Variants in KCNQ1 observed in about 807,000 individuals in gnomAD.
The protein encoded by KCNQ1 is potassium voltage-gated channel subfamily KQT member 1.
A neutral mutation model predicts 72.4 loss-of-function variants in KCNQ1; 49 were observed. The observed-to-expected ratio is 0.68, with a 90% confidence interval of 0.54 to 0.86. The LOEUF is 0.86. Ranked by LOEUF, KCNQ1 falls within the 40% of genes least tolerant of loss-of-function variation. KCNQ1 has a pLI of 0.00. For missense variants in KCNQ1, 790 were observed against 945.1 expected, an observed-to-expected ratio of 0.84 and a Z score of 2.15; for synonymous variants, 450 against 412.6, an observed-to-expected ratio of 1.09 and a Z score of -1.10.
intron 11 of KCNQ1, among the ~76,000 whole-genome samples, chr11:2,705,736 A>G (rs1016542595): frequency 6.6e-6 from 1 of 152,200 alleles, no homozygotes; most frequent in South Asian, 2.1e-4. Flanking sequence ...GTTGTTTCTG[A>G]TTATCTCTTG....
At position 2,734,070 on chromosome 11, in the gene KCNQ1, G is replaced by A. The variant is rs1015853596; in HGVS notation, c.1515-34774G>A. On this transcript the variant is annotated intron_variant, in intron 11 of 15. Coordinates refer to ENST00000155840, the MANE Select transcript of KCNQ1 (RefSeq NM_000218.3). The surrounding 1 kb of genome is among the most constrained non-coding windows in gnomAD (Gnocchi z 7.0). ...TCCCAGCCCCAGCCTTGCCTTTCTA[G>A]TGGTTCTGGCCTCTGATCACAGGCA... 6.6e-6 allele frequency among the ~76,000 whole-genome samples: 1 copy of A among 152,134 alleles called. No homozygotes were observed. Among genetic ancestry groups the A allele is most frequent in the African/African-American group, 2.4e-5 (1 of 41,430 alleles).
At chr11:2,786,156 C>T (rs186611648) in intron 15 of KCNQ1, among the ~76,000 whole-genome samples, 159 of 152,136 alleles carry the variant, frequency 1.0e-3, no homozygotes, top group African/African-American at 3.7e-3. Flanking sequence ...AGATTTTGTC[C>T]GCAAATGACC....
chr11:2,680,040 T>A (rs969925574), intron 11 of KCNQ1: 5 of 395,894 alleles, frequency 1.3e-5, no homozygotes, highest in African/African-American at 2.1e-5. Flanking sequence ...ACTACAGACA[T>A]CTGCCACCAT....
chr11:2,511,240 G>A (rs1452466068), intron 1 of KCNQ1, among the ~76,000 whole-genome samples: 2 of 152,094 alleles, frequency 1.3e-5, no homozygotes, highest in African/African-American at 4.8e-5. Context: ...AGGAGACGTG[G>A]GGTGGGGAAG....
At position 2,659,820 on chromosome 11, in the gene KCNQ1, C is replaced by T. The variant is rs1275154326; in HGVS notation, c.1394-2141C>T. 2.5e-6 allele frequency: 1 copy of T among 398,308 alleles called. No homozygotes were observed. Among genetic ancestry groups the T allele is most frequent in the African/African-American group, 2.1e-5 (1 of 48,690 alleles). The allele number at this position is 398,308 out of a possible 1,614,324, so 24.7% of individuals were successfully genotyped here. A position where few individuals can be genotyped will look rare whatever the true frequency, so the allele number is the denominator to read the frequency against. ...GGAATTTCATTGTGATTCTAATTTG[C>T]ATTTCCATATTTATGTTAATTATGT... On this transcript the variant is annotated intron_variant, in intron 10 of 15. Coordinates refer to ENST00000155840, the MANE Select transcript of KCNQ1 (RefSeq NM_000218.3). The surrounding 1 kb of genome is among the most constrained non-coding windows in gnomAD (Gnocchi z 4.3).
intron 11 of KCNQ1, among the ~76,000 whole-genome samples, chr11:2,733,415 A>G (rs1273587692): frequency 6.6e-6 from 1 of 152,034 alleles, no homozygotes; most frequent in East Asian, 1.9e-4. Flanking sequence ...TTCCTTCCAG[A>G]CAGGCTGGCC....
chr11:2,816,060 G>A lies in KCNQ1; in HGVS notation c.1795-31707G>A, dbSNP rs1029048073. Among the ~76,000 whole-genome samples, 7 of 152,194 alleles carry A rather than the reference G, an allele frequency of 4.6e-5. No homozygotes were observed. Among genetic ancestry groups the A allele is most frequent in the African/African-American group, 9.7e-5 (4 of 41,444 alleles). On this transcript the variant is annotated intron_variant, in intron 15 of 15. Coordinates refer to ENST00000155840, the MANE Select transcript of KCNQ1 (RefSeq NM_000218.3). The surrounding 1 kb of genome is among the most constrained non-coding windows in gnomAD (Gnocchi z 6.8). Reference sequence around the variant, plus strand: ...CGTTAGATGAATGTGGACGGCTGGCGGCCGGGGCTTGGGAGATCAAGAAGT... The same window carrying A: ...CGTTAGATGAATGTGGACGGCTGGCAGCCGGGGCTTGGGAGATCAAGAAGT...
In KCNQ1 at chr11:2,781,408, G is replaced by A. The variant is rs1401768247; in HGVS notation, c.1794+3371G>A. On this transcript the variant is annotated intron_variant, in intron 15 of 15. Coordinates refer to ENST00000155840, the MANE Select transcript of KCNQ1 (RefSeq NM_000218.3). This position sits in a 1 kb window ranked among gnomAD's most constrained non-coding sequence, Gnocchi z 6.6. ...CCGTATGGAGAGGCTGAGGAGGGTT[G>A]AGGCCAGGGGCAGGCTGGGGGCACC... Among the ~76,000 whole-genome samples the A allele has an allele frequency of 1.3e-5, 2 of 152,202 alleles. No individual in the cohort carries two copies. The highest frequency in any genetic ancestry group is 2.9e-5 in the Non-Finnish European group (2 of 68,034).
rs1042800400 is a variant in KCNQ1, at chr11:2,691,672, C to T, written c.1514+29591C>T. 2.5e-6 allele frequency: 1 copy of T among 398,418 alleles called. No homozygotes were observed. Among genetic ancestry groups the T allele is most frequent in the African/African-American group, 2.1e-5 (1 of 48,574 alleles). 24.7% of individuals were successfully genotyped at this position (398,418 alleles called of 1,614,324 possible). A position where few individuals can be genotyped will look rare whatever the true frequency, so the allele number is the denominator to read the frequency against. ...ACAGTTCCAAGGGTGAAACAGAGAA[C>T]CAGGTGGGGAAGGGGTCTCTCCCCA... On this transcript the variant is annotated intron_variant, in intron 11 of 15. Transcript: ENST00000155840. The surrounding 1 kb of genome is among the most constrained non-coding windows in gnomAD (Gnocchi z 6.4).
At position 2,538,278 on chromosome 11, in the gene KCNQ1, C is replaced by T. The variant is rs940885375; in HGVS notation, c.477+10260C>T. On this transcript the variant is annotated intron_variant, in intron 2 of 15. Coordinates refer to ENST00000155840, the MANE Select transcript of KCNQ1 (RefSeq NM_000218.3). This position sits in a 1 kb window ranked among gnomAD's most constrained non-coding sequence, Gnocchi z 6.7. ...ACCTGGAGCAGCCCTGCCCGGCCTT[C>T]CCTTCTTGGTCTCTCTCTTGGGCAG... Among the ~76,000 whole-genome samples, 56 of 152,176 alleles carry T rather than the reference C, an allele frequency of 3.7e-4. 2 individuals are homozygous for T. Among genetic ancestry groups the T allele is most frequent in the Non-Finnish European group, 8.8e-5 (6 of 68,038 alleles).
At chr11:2,744,095 C>A (rs1434676985) in intron 11 of KCNQ1, among the ~76,000 whole-genome samples, 2 of 152,250 alleles carry the variant, frequency 1.3e-5, no homozygotes, top group Non-Finnish European at 1.5e-5. Context: ...ACCTTCACCA[C>A]CCTCTTGGCC....
chr11:2,461,756 G>A (rs763001685), intron 1 of KCNQ1: 14 of 1,358,190 alleles, frequency 1.0e-5, no homozygotes, highest in South Asian at 1.1e-5. Context: ...AGGAAGGGAT[G>A]GGCAGGTGGA....
At position 2,604,371 on chromosome 11, in the gene KCNQ1, G is replaced by A. The variant is rs184748117; in HGVS notation, c.1393+15517G>A. On this transcript the variant is annotated intron_variant, in intron 10 of 15. Transcript: ENST00000155840. ...CAGGTGCCTGTAATTCCAGCTACTC[G>A]GGAGGCTGAGGCAAGAGAATTGCTT... 5.4e-3 allele frequency among the ~76,000 whole-genome samples: 825 copies of A among 151,618 alleles called. 11 individuals carry two copies. Among genetic ancestry groups the A allele is most frequent in the African/African-American group, 0.019 (789 of 41,398 alleles).
In KCNQ1 at chr11:2,564,978, G is replaced by T. The variant is rs924842663; in HGVS notation, c.478-5650G>T. On this transcript the variant is annotated intron_variant, in intron 2 of 15. Coordinates refer to ENST00000155840, the MANE Select transcript of KCNQ1 (RefSeq NM_000218.3). This position sits in a 1 kb window ranked among gnomAD's most constrained non-coding sequence, Gnocchi z 4.5. Reference sequence around the variant, plus strand: ...GGGAGGGACCACATCTTCCGTCTCCGTCGGTGCACTGAGGGACACTGGGCT... The same window carrying T: ...GGGAGGGACCACATCTTCCGTCTCCTTCGGTGCACTGAGGGACACTGGGCT... 2.0e-5 allele frequency among the ~76,000 whole-genome samples: 3 copies of T among 152,276 alleles called. No individual in the cohort carries two copies. Among genetic ancestry groups the T allele is most frequent in the Middle Eastern group, 3.4e-3 (1 of 294 alleles).
intron 15 of KCNQ1, among the ~76,000 whole-genome samples, chr11:2,833,982 G>C (rs1848011091): frequency 6.6e-6 from 1 of 152,234 alleles, no homozygotes; most frequent in South Asian, 2.1e-4. Flanking sequence ...GCAGGGGCTG[G>C]GGGGCAGCAG....
rs1324001001 is a variant in KCNQ1, at chr11:2,632,635, C to A, written c.1394-29326C>A. 12 of 398,302 alleles carry A rather than the reference C, an allele frequency of 3.0e-5. No individual in the cohort carries two copies. The South Asian group carries it at 1.4e-3, about 47-fold the overall frequency. The allele number at this position is 398,302 out of a possible 1,614,324, so 24.7% of individuals were successfully genotyped here. On this transcript the variant is annotated intron_variant, in intron 10 of 15. Coordinates refer to ENST00000155840, the MANE Select transcript of KCNQ1 (RefSeq NM_000218.3). ...ATCAAATCAGGGTAATTAGCATATT[C>A]ATCAACTCAAATATCATTTCTCTGT...
rs1054910270 is a variant in KCNQ1, at chr11:2,772,065, C to T, written c.1590+3146C>T. ...ACAAAGCCGCTGGGGCTCCCTCCGA[C>T]CTCACCAGCTGGCTCTTATTGCTGG... On this transcript the variant is annotated intron_variant, in intron 12 of 15. Coordinates refer to ENST00000155840, the MANE Select transcript of KCNQ1 (RefSeq NM_000218.3). The surrounding 1 kb of genome is among the most constrained non-coding windows in gnomAD (Gnocchi z 6.6). Among the ~76,000 whole-genome samples the T allele has an allele frequency of 6.6e-6, 1 of 152,334 alleles. No individual in the cohort carries two copies. The highest frequency in any genetic ancestry group is 2.4e-5 in the African/African-American group (1 of 41,588).
At chr11:2,591,337 C>G (rs1488564626) in intron 10 of KCNQ1, among the ~76,000 whole-genome samples, 2 of 152,210 alleles carry the variant, frequency 1.3e-5, no homozygotes, top group Non-Finnish European at 2.9e-5. Flanking sequence ...GGCTCCCGCT[C>G]CACTGGGCAC....
rs1849087506 is a variant in KCNQ1 at position 2,617,553 on chromosome 11, A to G, written c.1393+28699A>G. On this transcript the variant is annotated intron_variant, in intron 10 of 15. Coordinates refer to ENST00000155840, the MANE Select transcript of KCNQ1 (RefSeq NM_000218.3). This position sits in a 1 kb window ranked among gnomAD's most constrained non-coding sequence, Gnocchi z 4.6. Reference sequence around the variant, plus strand: ...GCGCAGATATCTTTATGAGGTGGAGATTTCATTTTCTTTGGGAATATACCT... The same window carrying G: ...GCGCAGATATCTTTATGAGGTGGAGGTTTCATTTTCTTTGGGAATATACCT... 2.5e-6 allele frequency: 1 copy of G among 398,244 alleles called. No homozygotes were observed. The highest frequency in any genetic ancestry group is 3.6e-5 in the East Asian group (1 of 28,058). 24.7% of individuals were successfully genotyped at this position (398,244 alleles called of 1,614,324 possible). A position where few individuals can be genotyped will look rare whatever the true frequency, so the allele number is the denominator to read the frequency against.
Sources: gnomAD v4.1 joint callset for allele counts (sites outside exome capture counted in the v4.1 genomes callset) on GRCh38, gnomAD v4.1.1 for gene constraint, Gnocchi (gnomAD v3.1) non-coding constraint, MANE v1.5 for transcripts, NCBI Gene and HGNC (gene_info 2026-07-23, HGNC 2026-07-21) for gene names.